The following THSD7A variants were observed in gnomAD, a reference collection of about 807,000 sequenced individuals.
THSD7A encodes thrombospondin type 1 domain containing 7A, also known as thrombospondin type-1 domain-containing protein 7A.
Under a neutral mutation model 231.3 loss-of-function variants are expected in THSD7A, and 96 were observed. The observed-to-expected ratio is 0.41, with a 90% CI of 0.35 to 0.49. The LOEUF (loss-of-function observed/expected upper bound fraction) is 0.49. Ranked by LOEUF, THSD7A falls within the 20% of genes least tolerant of loss-of-function variation. The pLI is 0.05. For missense variants in THSD7A, 2,290 were observed against 2,070.2 expected, an observed-to-expected ratio of 1.11 and a Z score of -2.06; for synonymous variants, 940 against 743.3, an observed-to-expected ratio of 1.26 and a Z score of -4.30.
chr7:11,810,791 A>T (rs1784510055), intron 1 of THSD7A, among the ~76,000 whole-genome samples: 1 of 152,170 alleles, frequency 6.6e-6, no homozygotes, highest in African/African-American at 2.4e-5. Context: ...ACTTTCAGAA[A>T]TGTGGATGTG....
intron 1 of THSD7A, among the ~76,000 whole-genome samples, chr7:11,789,600 A>G (rs1456860729): frequency 1.3e-5 from 2 of 151,368 alleles, no homozygotes; most frequent in African/African-American, 4.9e-5. Context: ...TCAACATGAG[A>G]TCTACTGTCT....
rs1309028533 is a variant in THSD7A, at chr7:11,832,113, G to C, written c.-167C>G. The C allele has an allele frequency of 7.0e-6, 3 of 430,012 alleles. No homozygotes were observed. The East Asian group carries it at 1.3e-4, about 18-fold the overall frequency. 26.6% of individuals were successfully genotyped at this position (430,012 alleles called of 1,614,324 possible). A position where few individuals can be genotyped will look rare whatever the true frequency, so the allele number is the denominator to read the frequency against. ...GCGCGTCTAACACCAGGGAACAATA[G>C]CGTCCGCGGTGGTGGCCGTGGCCGC... On this transcript the variant is annotated 5_prime_UTR_variant, in exon 1 of 28. Transcript: ENST00000423059.
chr7:11,828,541 GTTGT>G (rs1256532444), intron 1 of THSD7A, among the ~76,000 whole-genome samples: 3 of 152,100 alleles, frequency 2.0e-5, no homozygotes, highest in Non-Finnish European at 4.4e-5. Flanking sequence ...TACTTATAGT[GTTGT>G]TTAATTGTGA....
Position 11,543,219 on chromosome 7 carries a change from A to T in THSD7A, c.1454-102T>A, listed in dbSNP as rs1050503383. On this transcript the variant is annotated intron_variant, in intron 4 of 27. Transcript: ENST00000423059. ...GTATGGAAAAGGAAAATCCTTAAAGAAGTGCTACCAAGACATTATTCCAAT... is the reference window on the plus strand; with the variant it reads ...GTATGGAAAAGGAAAATCCTTAAAGTAGTGCTACCAAGACATTATTCCAAT... The T allele has an allele frequency of 1.6e-5, 15 of 958,208 alleles. No homozygotes were observed. The East Asian group carries it at 3.8e-4, about 24-fold the overall frequency. 59.4% of individuals were successfully genotyped at this position (958,208 alleles called of 1,614,324 possible).
chr7:11,488,053 G>A (rs1735652607), intron 6 of THSD7A, among the ~76,000 whole-genome samples: 1 of 152,152 alleles, frequency 6.6e-6, no homozygotes, highest in African/African-American at 2.4e-5. Flanking sequence ...ATTGTAAGCA[G>A]AAAGGAGAAA....
chr7:11,792,404 A>G (rs1783981939), intron 1 of THSD7A, among the ~76,000 whole-genome samples: 2 of 151,856 alleles, frequency 1.3e-5, no homozygotes, highest in African/African-American at 4.8e-5. Flanking sequence ...TGAGTCCTTA[A>G]TCATCTGACT....
At chr7:11,379,018 T>C (rs544553704) in intron 26 of THSD7A, 52 bp downstream of exon 26, 1 of 1,565,222 alleles carries the variant, frequency 6.4e-7, no homozygotes, top group Non-Finnish European at 8.7e-7. Flanking sequence ...TCCTTTGGCA[T>C]TGCCTAAAAG....
chr7:11,497,645 A>T (rs116351425), intron 6 of THSD7A, among the ~76,000 whole-genome samples: 10 of 152,216 alleles, frequency 6.6e-5, no homozygotes, highest in Non-Finnish European at 1.5e-5. Context: ...TATCTTAAGA[A>T]TAACTGTTGA....
chr7:11,742,240 C>A (rs1054708933), intron 1 of THSD7A, among the ~76,000 whole-genome samples: 6 of 151,890 alleles, frequency 4.0e-5, no homozygotes, highest in Non-Finnish European at 8.8e-5. Context: ...TCATATTCAA[C>A]AGTCTTTGAT....
At chr7:11,545,284 C>T (rs1218486320) in intron 4 of THSD7A, among the ~76,000 whole-genome samples, 1 of 151,842 alleles carries the variant, frequency 6.6e-6, no homozygotes, top group African/African-American at 2.4e-5. Context: ...CTTGGTGCTA[C>T]TATATTGTTT....
intron 1 of THSD7A, among the ~76,000 whole-genome samples, chr7:11,704,621 A>G (rs1291730122): frequency 1.3e-5 from 2 of 150,914 alleles, no homozygotes; most frequent in Non-Finnish European, 3.0e-5. Flanking sequence ...CCTTTGGAGA[A>G]TATTTCTATT....
chr7:11,806,818 A>G (rs112168150), intron 1 of THSD7A, among the ~76,000 whole-genome samples: 2,179 of 152,198 alleles, frequency 0.014, 48 homozygotes, highest in African/African-American at 0.049. Context: ...GCTAGCCCCA[A>G]GCATTCCCCT....
rs573343212 is a variant in THSD7A, at chr7:11,541,760, G to A, written c.1610-129C>T. On this transcript the variant is annotated intron_variant, in intron 5 of 27. Coordinates refer to ENST00000423059, the MANE Select transcript of THSD7A (RefSeq NM_015204.3). ...GAAGTCATTTCTGTTTTGAGTCACT[G>A]GTGTATCCCCAAACTGTAGCTAATG... is the stretch of plus-strand genomic sequence containing the variant. 16 of 785,512 alleles carry A rather than the reference G, an allele frequency of 2.0e-5. No individual in the cohort carries two copies. In the South Asian group the frequency reaches 2.3e-4, roughly 12 times the overall value. The allele number at this position is 785,512 out of a possible 1,614,324, so 48.7% of individuals were successfully genotyped here. A position where few individuals can be genotyped will look rare whatever the true frequency, so the allele number is the denominator to read the frequency against.
intron 1 of THSD7A, among the ~76,000 whole-genome samples, chr7:11,757,688 C>A (rs1409051197): frequency 6.6e-6 from 1 of 151,966 alleles, no homozygotes; most frequent in South Asian, 2.1e-4. Context: ...ATTATAAGTT[C>A]TGTTTTTTGA....
At chr7:11,570,463 T>A (rs1244008887) in intron 4 of THSD7A, among the ~76,000 whole-genome samples, 2 of 152,200 alleles carry the variant, frequency 1.3e-5, no homozygotes, top group Non-Finnish European at 2.9e-5. Flanking sequence ...TGATGGTATA[T>A]TTCAAAATAG....
chr7:11,734,886 A>AT (rs1416541838), intron 1 of THSD7A, among the ~76,000 whole-genome samples: 1 of 151,866 alleles, frequency 6.6e-6, no homozygotes, highest in Non-Finnish European at 1.5e-5. Flanking sequence ...TTTTATAGTC[A>AT]TTTTTTAGGA....
At chr7:11,803,816 G>T (rs1343439988) in intron 1 of THSD7A, among the ~76,000 whole-genome samples, 1 of 152,060 alleles carries the variant, frequency 6.6e-6, no homozygotes, top group Non-Finnish European at 1.5e-5. Context: ...TCTAGGTGAG[G>T]TGGGGTCTGG....
In THSD7A at chr7:11,412,749, G is replaced by A; in HGVS notation, c.3589C>T (p.Pro1197Ser). ...RQRSADPIRQ[P>S]ADEGRSCPNA... is the part of the protein sequence containing the mutation. ...GGGCAAGATCTTCCTTCATCAGCTG[G>A]TTGTCTGATGGGATCAGCTGACCTT... The change falls in exon 18 of 28, where the codon CCA (proline) becomes TCA (serine). Residue 1197 changes from proline to serine, a missense_variant. Physicochemically the swap from Pro to Ser is moderately conservative, Grantham distance 74. Coordinates refer to ENST00000423059, the MANE Select transcript of THSD7A (RefSeq NM_015204.3). 1.2e-6 allele frequency: 2 copies of A among 1,613,572 alleles called. No individual in the cohort carries two copies. Among genetic ancestry groups the A allele is most frequent in the Non-Finnish European group, 1.7e-6 (2 of 1,179,702 alleles).
chr7:11,703,922 C>A (rs891879759), intron 1 of THSD7A, among the ~76,000 whole-genome samples: 61 of 151,220 alleles, frequency 4.0e-4, no homozygotes, highest in African/African-American at 1.5e-3. Flanking sequence ...ATTTCTCACA[C>A]TGAAACTGGA....
Sources: gnomAD v4.1 joint callset for allele counts (sites outside exome capture counted in the v4.1 genomes callset) on GRCh38, gnomAD v4.1.1 for gene constraint, MANE v1.5 for transcripts, NCBI Gene and HGNC (gene_info 2026-07-23, HGNC 2026-07-21) for gene names.